The following MCC variants were observed in gnomAD, a reference collection of about 807,000 sequenced individuals.
The protein encoded by MCC is colorectal mutant cancer protein.
MCC carries 90 observed loss-of-function variants against 116.2 expected under a neutral mutation model. The observed-to-expected ratio is 0.77, with a 90% confidence interval of 0.65 to 0.92. The LOEUF (loss-of-function observed/expected upper bound fraction) is 0.92. Ranked by LOEUF, MCC falls within the 40% of genes least tolerant of loss-of-function variation. MCC has a pLI of 0.00. For missense variants in MCC, 1,516 were observed against 1,312.2 expected (o/e 1.16, Z -2.40); for synonymous variants, 578 against 510.5 (o/e 1.13, Z -1.78).
intron 1 of MCC, among the ~76,000 whole-genome samples, chr5:113,482,603 GTTAT>G (rs780694888): frequency 2.0e-5 from 3 of 152,078 alleles, no homozygotes; most frequent in Non-Finnish European, 2.9e-5. Context: ...TTTACATTGG[GTTAT>G]TTGTCTTTTT....
At chr5:113,036,633 G>T (rs1025119147) in intron 17 of MCC, among the ~76,000 whole-genome samples, 10 of 152,188 alleles carry the variant, frequency 6.6e-5, no homozygotes, top group African/African-American at 2.4e-4. Context: ...ACTTTGCTAT[G>T]AACATGTTTC....
chr5:113,102,566 G>T (rs996542113), intron 7 of MCC, among the ~76,000 whole-genome samples: 1 of 152,160 alleles, frequency 6.6e-6, no homozygotes, highest in East Asian at 1.9e-4. Context: ...AGACAGCAGG[G>T]ATTAAATTAA....
chr5:113,350,191 A>C (rs78096957), intron 2 of MCC, among the ~76,000 whole-genome samples: 1 of 152,120 alleles, frequency 6.6e-6, no homozygotes, highest in Non-Finnish European at 1.5e-5. Context: ...AGAAAAAACA[A>C]TCCTAAAACA....
rs1372676870 is a variant in MCC at position 113,385,147 on chromosome 5, T to C, written c.236A>G (p.Gln79Arg). The C allele has an allele frequency of 6.2e-7, 1 of 1,614,198 alleles. No individual in the cohort carries two copies. The highest frequency in any genetic ancestry group is 8.5e-7 in the Non-Finnish European group (1 of 1,180,028). ...MEESVAEIMN[Q>R]LGADENGKIS... is the part of the protein sequence containing the mutation. ...CTTCCCATTTTCATCTGCTCCCAAC[T>C]GGTTCATGATCTCAGCCACAGACTC... is the stretch of plus-strand genomic sequence containing the variant. Residue 79 changes from glutamine (Q) to arginine (R), a missense_variant, in exon 2 of 19, where the codon CAG becomes CGG. Transcript: ENST00000408903.
chr5:113,342,578 A>G (rs1371571031), intron 2 of MCC, among the ~76,000 whole-genome samples: 1 of 152,258 alleles, frequency 6.6e-6, no homozygotes, highest in Non-Finnish European at 1.5e-5. Context: ...AACTCAGTCC[A>G]TCTGGAGATG....
At chr5:113,169,460 AG>A (rs1760956695) in intron 3 of MCC, among the ~76,000 whole-genome samples, 1 of 152,108 alleles carries the variant, frequency 6.6e-6, no homozygotes, top group Non-Finnish European at 1.5e-5. Flanking sequence ...TGGACCAGCA[AG>A]GCCAAGCACA....
At chr5:113,107,583 A>T (rs1177992908) in intron 6 of MCC, among the ~76,000 whole-genome samples, 1 of 152,180 alleles carries the variant, frequency 6.6e-6, no homozygotes, top group Non-Finnish European at 1.5e-5. Context: ...TGAGGAGAAG[A>T]ACAACTCAGA....
At chr5:113,357,615 G>T (rs1768445503) in intron 2 of MCC, among the ~76,000 whole-genome samples, 1 of 152,174 alleles carries the variant, frequency 6.6e-6, no homozygotes, top group South Asian at 2.1e-4. Context: ...TTCCCGATAA[G>T]ATCTCAGGAG....
intron 10 of MCC, among the ~76,000 whole-genome samples, chr5:113,083,443 G>A: frequency 6.6e-6 from 1 of 152,170 alleles, no homozygotes; most frequent in East Asian, 1.9e-4. Flanking sequence ...CTGAATGCAT[G>A]CATTTTTGCT....
chr5:113,367,219 G>A (rs1768717382), intron 2 of MCC, among the ~76,000 whole-genome samples: 2 of 151,982 alleles, frequency 1.3e-5, no homozygotes, highest in South Asian at 2.1e-4. Flanking sequence ...TTATTATAAT[G>A]AAAATACATA....
chr5:113,096,484 C>CCA (rs1271099424), intron 8 of MCC, among the ~76,000 whole-genome samples: 3 of 152,242 alleles, frequency 2.0e-5, no homozygotes, highest in Non-Finnish European at 4.4e-5. Context: ...TTCTCTGCAA[C>CCA]TCTGATTCAC....
chr5:113,212,868 C>T (rs1283020557), intron 3 of MCC, among the ~76,000 whole-genome samples: 1 of 152,236 alleles, frequency 6.6e-6, no homozygotes, highest in Non-Finnish European at 1.5e-5. Flanking sequence ...ACAAAATCCA[C>T]CTTGCTCCAG....
At chr5:113,045,416 A>G (rs777481302) in intron 16 of MCC, among the ~76,000 whole-genome samples, 12 of 152,192 alleles carry the variant, frequency 7.9e-5, no homozygotes. Flanking sequence ...TGGTTTTCCT[A>G]TTTTTAAAAT....
In MCC at chr5:113,103,100, C is replaced by T. The variant is rs143390499; in HGVS notation, c.1191+1092G>A. On this transcript the variant is annotated intron_variant, in intron 7 of 18. Transcript: ENST00000408903. ...CTGCACTCCAGCCTGGGCGACAGAGCAAGACTCCGTCTAAAAAAAAATAAT... is the reference window on the plus strand; with the variant it reads ...CTGCACTCCAGCCTGGGCGACAGAGTAAGACTCCGTCTAAAAAAAAATAAT... Among the ~76,000 whole-genome samples, 832 of 151,840 alleles carry T rather than the reference C, an allele frequency of 5.5e-3. 7 individuals are homozygous for T. Among genetic ancestry groups the T allele is most frequent in the South Asian group, 0.018 (85 of 4,778 alleles).
chr5:113,161,351 A>G (rs1184539671), intron 3 of MCC, among the ~76,000 whole-genome samples: 2 of 152,194 alleles, frequency 1.3e-5, no homozygotes, highest in Non-Finnish European at 2.9e-5. Context: ...AAACTCCCAC[A>G]GAGAATTCTA....
At chr5:113,188,695 G>A (rs1029017131) in intron 3 of MCC, among the ~76,000 whole-genome samples, 1 of 152,138 alleles carries the variant, frequency 6.6e-6, no homozygotes, top group Admixed American at 6.5e-5. Context: ...GTTTAATCAT[G>A]ATGTAGGCCT....
chr5:113,049,291 C>T lies in MCC; in HGVS notation c.2457G>A (p.Met819Ile). ...MQELMAMKEE[M>I]AELKAQLYLL... ...GGTAGAGCTGGGCCTTCAACTCGGC[C>T]ATCTCCTCCTACAGACAAAGGAGCA... The change falls in exon 16 of 19, where the codon ATG becomes ATA. Residue 819 changes from methionine to isoleucine, a missense_variant. Coordinates refer to ENST00000408903, the MANE Select transcript of MCC (RefSeq NM_001085377.2). 6.3e-7 allele frequency: 1 copy of T among 1,592,814 alleles called. No homozygotes were observed. The highest frequency in any genetic ancestry group is 8.6e-7 in the Non-Finnish European group (1 of 1,168,710).
chr5:113,459,224 G>T (rs1220177659), intron 1 of MCC, among the ~76,000 whole-genome samples: 2 of 148,388 alleles, frequency 1.3e-5, no homozygotes, highest in Non-Finnish European at 3.0e-5. Context: ...GAAGACTCTG[G>T]AAAAATATAC....
At chr5:113,440,484 G>A (rs1246399240) in intron 1 of MCC, among the ~76,000 whole-genome samples, 1 of 151,970 alleles carries the variant, frequency 6.6e-6, no homozygotes, top group Non-Finnish European at 1.5e-5. Flanking sequence ...CATGGCAAAC[G>A]TTGCATCTTA....
Sources: allele counts gnomAD v4.1 joint callset (sites outside exome capture counted in the v4.1 genomes callset), GRCh38; gene constraint gnomAD v4.1.1; transcripts MANE v1.5; gene names NCBI Gene and HGNC (gene_info 2026-07-23, HGNC 2026-07-21).